STK24: variants seen among roughly 807,000 people sequenced by gnomAD.
STK24 encodes the protein serine/threonine-protein kinase 24.
In STK24, 21 loss-of-function variants were observed where a neutral mutation model predicts 55.6. The ratio of observed to expected loss-of-function variants is 0.38; its 90% CI spans 0.27 to 0.54. The LOEUF (loss-of-function observed/expected upper bound fraction) is 0.54, where lower values mean the gene tolerates loss of function less well. STK24 is among the 20% of genes least tolerant of loss of function. The pLI is 0.79. For synonymous variants in STK24, 200 were observed against 215.2 expected (o/e 0.93, Z 0.62); for missense variants, 383 against 538.4 (o/e 0.71, Z 2.86).
At chr13:98,554,259 A>AC (rs1409950484) in intron 1 of STK24, among the ~76,000 whole-genome samples, 1 of 151,962 alleles carries the variant, frequency 6.6e-6, no homozygotes, top group Non-Finnish European at 1.5e-5. Flanking sequence ...ATTCCAGGAA[A>AC]CCCCCCAAAG....
At chr13:98,479,129 G>C (rs1449354362) in intron 3 of STK24, among the ~76,000 whole-genome samples, 1 of 152,200 alleles carries the variant, frequency 6.6e-6, no homozygotes, top group Non-Finnish European at 1.5e-5. Context: ...GGGTGTCTTG[G>C]ACTGTGTGAT....
At chr13:98,482,183 G>T in intron 3 of STK24, 82 bp downstream of exon 3, 1 of 702,412 alleles carries the variant, frequency 1.4e-6, no homozygotes, top group Non-Finnish European at 2.3e-6. Context: ...AAAAGAAATG[G>T]ATACATGCAA....
At chr13:98,503,024 G>GTTTTTTTGTTT (rs1895541421) in intron 2 of STK24, among the ~76,000 whole-genome samples, 1 of 107,084 alleles carries the variant, frequency 9.3e-6, no homozygotes, top group Non-Finnish European at 1.8e-5. Context: ...CTTTCCATGT[G>GTTTTTTTGTTT]TTTTTTTTTT....
At chr13:98,493,839 A>AAT (rs1555305384) in intron 2 of STK24, among the ~76,000 whole-genome samples, 4 of 141,566 alleles carry the variant, frequency 2.8e-5, no homozygotes, top group African/African-American at 1.0e-4. Flanking sequence ...CAAAAAAAAA[A>AAT]TTTTTTTTTT....
intron 1 of STK24, among the ~76,000 whole-genome samples, chr13:98,571,587 A>T (rs1897741148): frequency 6.6e-6 from 1 of 152,194 alleles, no homozygotes; most frequent in African/African-American, 2.4e-5. Context: ...CAAGCAAAAC[A>T]AATTCTTACC....
chr13:98,478,581 A>G (rs60975923), intron 3 of STK24, among the ~76,000 whole-genome samples: 1,716 of 152,380 alleles, frequency 0.011, 31 homozygotes, highest in African/African-American at 0.037. Flanking sequence ...CCCCATGTGC[A>G]GGGGGAGAAA....
intron 3 of STK24, among the ~76,000 whole-genome samples, chr13:98,476,617 G>C (rs1313741918): frequency 6.6e-6 from 1 of 152,248 alleles, no homozygotes; most frequent in Non-Finnish European, 1.5e-5. Flanking sequence ...CAGTCCTTGC[G>C]TGCCTCAGCT....
chr13:98,566,713 T>G (rs1369340478), intron 1 of STK24, among the ~76,000 whole-genome samples: 2 of 152,174 alleles, frequency 1.3e-5, no homozygotes, highest in African/African-American at 4.8e-5. Flanking sequence ...TCCTTCCACC[T>G]ACCCACAGCA....
At chr13:98,484,917 C>G (rs1352212994) in intron 2 of STK24, among the ~76,000 whole-genome samples, 1 of 152,126 alleles carries the variant, frequency 6.6e-6, no homozygotes, top group Admixed American at 6.5e-5. Flanking sequence ...CGCTGGGTGG[C>G]AAGGCTACCC....
At chr13:98,567,181 T>C (rs775173233) in intron 1 of STK24, among the ~76,000 whole-genome samples, 3 of 152,260 alleles carry the variant, frequency 2.0e-5, no homozygotes, top group Admixed American at 6.5e-5. Context: ...TATGGATTTA[T>C]GGCCAGCGCT....
At chr13:98,493,154 G>T (rs1182274971) in intron 2 of STK24, among the ~76,000 whole-genome samples, 1 of 152,164 alleles carries the variant, frequency 6.6e-6, no homozygotes, top group African/African-American at 2.4e-5. Context: ...AAACTGGAAA[G>T]AACACTGGGC....
intron 1 of STK24, among the ~76,000 whole-genome samples, chr13:98,532,324 G>A (rs1340435231): frequency 6.6e-6 from 1 of 151,980 alleles, no homozygotes; most frequent in East Asian, 1.9e-4. Flanking sequence ...ATGAGAGAAG[G>A]AGAGGGCAAC....
At position 98,460,263 on chromosome 13, in the gene STK24, A is replaced by G. The variant is rs1192880327; in HGVS notation, c.1122+109T>C. Reference sequence around the variant, plus strand: ...CATGCAGGCTTTCCGAGCCTTTGCCAGCTTGTCTTAATGTCCCCAACTCTT... The same window carrying G: ...CATGCAGGCTTTCCGAGCCTTTGCCGGCTTGTCTTAATGTCCCCAACTCTT... On this transcript the variant is annotated intron_variant, in intron 9 of 10. Transcript: ENST00000539966. The G allele has an allele frequency of 2.5e-5, 27 of 1,060,794 alleles. No homozygotes were observed. In the East Asian group the frequency reaches 3.0e-4, roughly 12 times the overall value. The allele number at this position is 1,060,794 out of a possible 1,614,324, so 65.7% of individuals were successfully genotyped here.
intron 5 of STK24, among the ~76,000 whole-genome samples, chr13:98,471,577 A>C (rs1894147281): frequency 6.6e-6 from 1 of 152,196 alleles, no homozygotes; most frequent in Non-Finnish European, 1.5e-5. Flanking sequence ...ATGGGCAATC[A>C]GGACTTAGTA....
rs147406042 is a variant in STK24, at chr13:98,549,542, C to T, written c.42+27203G>A. Among the ~76,000 whole-genome samples, 205 of 152,218 alleles carry T rather than the reference C, an allele frequency of 1.3e-3. 1 individual carries two copies. Among genetic ancestry groups the T allele is most frequent in the African/African-American group, 4.7e-3 (196 of 41,534 alleles). On this transcript the variant is annotated intron_variant, in intron 1 of 10. Transcript: ENST00000539966. ...GTGCTGTCCTCATAATAGTGAGTTCCAGCAAGATCTGGTTGTTTAAAAGTG... is the reference window on the plus strand; with the variant it reads ...GTGCTGTCCTCATAATAGTGAGTTCTAGCAAGATCTGGTTGTTTAAAAGTG...
intron 8 of STK24, among the ~76,000 whole-genome samples, chr13:98,461,055 AG>A (rs373502369): frequency 0.021 from 978 of 46,122 alleles, 5 homozygotes; most frequent in Non-Finnish European, 0.042. Flanking sequence ...AAAAAAAAAA[AG>A]AGAGAGAGAG....
intron 10 of STK24, chr13:98,456,534 G>A (rs529022162): frequency 5.8e-6 from 3 of 513,488 alleles, no homozygotes; most frequent in African/African-American, 1.9e-5. Context: ...ATGGCAGTCA[G>A]GAGGGGCTTG....
chr13:98,528,670 T>C (rs1164909137), intron 1 of STK24, among the ~76,000 whole-genome samples: 1 of 152,192 alleles, frequency 6.6e-6, no homozygotes, highest in East Asian at 1.9e-4. Context: ...TCATCTTCTT[T>C]TGATCATTTC....
At chr13:98,535,477 G>T (rs1896704673) in intron 1 of STK24, among the ~76,000 whole-genome samples, 1 of 149,488 alleles carries the variant, frequency 6.7e-6, no homozygotes, top group Non-Finnish European at 1.5e-5. Flanking sequence ...CTTGGAAAGT[G>T]AAACTGGCAC....
Sources: gnomAD v4.1 joint callset for allele counts (sites outside exome capture counted in the v4.1 genomes callset) on GRCh38, gnomAD v4.1.1 for gene constraint, MANE v1.5 for transcripts, NCBI Gene and HGNC (gene_info 2026-07-23, HGNC 2026-07-21) for gene names.